Variants in ACOXL observed in about 807,000 individuals in gnomAD.
The protein encoded by ACOXL is acyl-CoA oxidase like.
Under a neutral mutation model 71.9 loss-of-function variants are expected in ACOXL, and 70 were observed. That is an observed-to-expected ratio of 0.97 (90% confidence interval 0.80 to 1.19). The LOEUF is 1.19. Among genes scored for constraint, ACOXL ranks in the 50% most tolerant of loss-of-function variants. The pLI, the probability that ACOXL is intolerant of heterozygous loss-of-function variation, is 0.00. For synonymous variants in ACOXL, 253 were observed against 281.6 expected, an observed-to-expected ratio of 0.90 and a Z score of 1.02; for missense variants, 703 against 736.3, an observed-to-expected ratio of 0.95 and a Z score of 0.52.
At chr2:110,999,191 G>A (rs969329470) in intron 14 of ACOXL, among the ~76,000 whole-genome samples, 2 of 152,042 alleles carry the variant, frequency 1.3e-5, no homozygotes, top group African/African-American at 4.8e-5. Context: ...GGTTTGTAAT[G>A]GCCGCCCCGC....
At chr2:110,804,578 T>C (rs1330305977) in intron 8 of ACOXL, among the ~76,000 whole-genome samples, 1 of 152,122 alleles carries the variant, frequency 6.6e-6, no homozygotes, top group Non-Finnish European at 1.5e-5. Context: ...GGGAAGATAA[T>C]CCAAATATCC....
chr2:111,062,502 A>G (rs1254517727), intron 16 of ACOXL, among the ~76,000 whole-genome samples: 1 of 152,152 alleles, frequency 6.6e-6, no homozygotes, highest in East Asian at 1.9e-4. Flanking sequence ...ACCCAACAAC[A>G]GCAGAATGCA....
Position 111,099,384 on chromosome 2 carries a change from T to C in ACOXL, c.1542+6418T>C, listed in dbSNP as rs151002630. On this transcript the variant is annotated intron_variant, in intron 17 of 17. Transcript: ENST00000439055. ...TATCATCCTCACAAGCACCCTTTAG[T>C]GTGAACAGCTGTTACTCCCCTGTAG... The C allele has an allele frequency of 2.6e-5, 4 of 152,374 alleles. No homozygotes were observed. The East Asian group carries it at 7.7e-4, about 29-fold the overall frequency. 9.4% of individuals were successfully genotyped at this position (152,374 alleles called of 1,614,324 possible).
At chr2:111,094,728 A>G (rs1213323844) in intron 17 of ACOXL, among the ~76,000 whole-genome samples, 3 of 152,198 alleles carry the variant, frequency 2.0e-5, no homozygotes, top group Non-Finnish European at 4.4e-5. Flanking sequence ...CCACAGCATC[A>G]TTTCTCATGA....
chr2:110,926,765 C>A (rs2060285411), intron 11 of ACOXL, among the ~76,000 whole-genome samples: 1 of 152,126 alleles, frequency 6.6e-6, no homozygotes, highest in Non-Finnish European at 1.5e-5. Flanking sequence ...ATTGAAATTA[C>A]TCAAAGCCTT....
intron 3 of ACOXL, among the ~76,000 whole-genome samples, chr2:110,789,950 G>A (rs140949967): frequency 5.6e-4 from 85 of 152,386 alleles, no homozygotes; most frequent in African/African-American, 1.9e-3. Flanking sequence ...CACTGGGACA[G>A]GGGCACACTC....
chr2:110,931,073 T>C (rs529227463), intron 11 of ACOXL, among the ~76,000 whole-genome samples: 303 of 152,352 alleles, frequency 2.0e-3, no homozygotes, highest in Admixed American at 4.6e-3. Flanking sequence ...TAATTTTGCC[T>C]CAAGAATCCC....
intron 14 of ACOXL, among the ~76,000 whole-genome samples, chr2:111,011,662 C>A (rs944555065): frequency 1.3e-5 from 2 of 152,006 alleles, no homozygotes; most frequent in African/African-American, 4.8e-5. Flanking sequence ...GTGGGCAGAT[C>A]GCTTGAGCCC....
chr2:110,908,688 C>T (rs934030509), intron 10 of ACOXL, 101 bp from the exon 11 acceptor site: 3 of 896,054 alleles, frequency 3.3e-6, no homozygotes, highest in African/African-American at 1.7e-5. Flanking sequence ...ATTCTGGAGT[C>T]TTTGGAAGGC....
chr2:110,779,789 T>G (rs1683106421), intron 2 of ACOXL, among the ~76,000 whole-genome samples: 1 of 152,208 alleles, frequency 6.6e-6, no homozygotes, highest in Non-Finnish European at 1.5e-5. Context: ...CCCTACCTCA[T>G]GCTACACACA....
At chr2:110,756,901 G>A (rs923524880) in intron 1 of ACOXL, among the ~76,000 whole-genome samples, 1 of 151,440 alleles carries the variant, frequency 6.6e-6, no homozygotes, top group African/African-American at 2.4e-5. Flanking sequence ...TTTTTCTTCA[G>A]CTTTTTTTAA....
intron 10 of ACOXL, among the ~76,000 whole-genome samples, chr2:110,860,451 C>T (rs1045528749): frequency 6.6e-6 from 1 of 152,002 alleles, no homozygotes; most frequent in Non-Finnish European, 1.5e-5. Flanking sequence ...TGTGTAGAGA[C>T]CCAGGAAAAG....
At chr2:110,804,275 C>T (rs1337059001) in intron 8 of ACOXL, among the ~76,000 whole-genome samples, 1 of 152,150 alleles carries the variant, frequency 6.6e-6, no homozygotes, top group Admixed American at 6.5e-5. Flanking sequence ...GCATAAGTCA[C>T]CATGCCCAAC....
At chr2:110,962,221 T>C (rs2061725326) in intron 12 of ACOXL, among the ~76,000 whole-genome samples, 1 of 152,212 alleles carries the variant, frequency 6.6e-6, no homozygotes, top group South Asian at 2.1e-4. Flanking sequence ...TAGAGGGCAC[T>C]GTAGAATGAG....
intron 7 of ACOXL, among the ~76,000 whole-genome samples, chr2:110,801,207 C>T (rs944294651): frequency 6.6e-6 from 1 of 152,162 alleles, no homozygotes; most frequent in African/African-American, 2.4e-5. Flanking sequence ...AACAGTTTGC[C>T]CTGTGTGCAG....
At chr2:110,854,035 C>A (rs1573845894) in intron 10 of ACOXL, among the ~76,000 whole-genome samples, 1 of 151,982 alleles carries the variant, frequency 6.6e-6, no homozygotes, top group African/African-American at 2.4e-5. Context: ...CTTTGGTGAC[C>A]CTGGTGGGAG....
At chr2:111,093,512 A>G (rs376077655) in intron 17 of ACOXL, 67 of 1,613,986 alleles carry the variant, frequency 4.2e-5, no homozygotes, top group Admixed American at 8.3e-5. Flanking sequence ...ACAAACAGGT[A>G]TAAGACTCAG....
At chr2:110,974,886 G>A (rs2062374380) in intron 12 of ACOXL, among the ~76,000 whole-genome samples, 1 of 152,218 alleles carries the variant, frequency 6.6e-6, no homozygotes, top group Admixed American at 6.5e-5. Flanking sequence ...GTGGCCAAGA[G>A]AACGAAACCC....
chr2:110,820,050 A>G lies in ACOXL; in HGVS notation c.753+14655A>G, dbSNP rs900648167. On this transcript the variant is annotated intron_variant, in intron 9 of 17. Transcript: ENST00000439055. Reference sequence around the variant, plus strand: ...GTCCCTTGCACCGTGCCTGACACTCAGGGGCTCCTCCATAGACTTCCGTGT... The same window carrying G: ...GTCCCTTGCACCGTGCCTGACACTCGGGGGCTCCTCCATAGACTTCCGTGT... Among the ~76,000 whole-genome samples, 3 of 152,296 alleles carry G rather than the reference A, an allele frequency of 2.0e-5. No individual in the cohort carries two copies. The South Asian group carries it at 6.2e-4, about 32-fold the overall frequency.
Sources: allele counts gnomAD v4.1 joint callset (sites outside exome capture counted in the v4.1 genomes callset), GRCh38; gene constraint gnomAD v4.1.1; transcripts MANE v1.5; gene names NCBI Gene and HGNC (gene_info 2026-07-23, HGNC 2026-07-21).